Variants in NCOR1 observed in about 807,000 individuals in gnomAD.
The protein encoded by NCOR1 is nuclear receptor corepressor 1.
NCOR1 carries 63 observed loss-of-function variants against 288.1 expected under a neutral mutation model. That is an observed-to-expected ratio of 0.22 (90% confidence interval 0.18 to 0.27). NCOR1 has a LOEUF of 0.27. Ranked by LOEUF, NCOR1 falls within the 10% of genes least tolerant of loss-of-function variation. The probability of loss-of-function intolerance (pLI) is 1.00; values close to 1 mark genes in which losing one functional copy is unlikely to be tolerated. For synonymous variants in NCOR1, 1,007 were observed against 1,065.9 expected (o/e 0.94, Z 1.08); for missense variants, 2,397 against 3,019.2 (o/e 0.79, Z 4.83).
chr17:16,033,943 G>A (rs1009272238), intron 45 of NCOR1, among the ~76,000 whole-genome samples: 10 of 151,954 alleles, frequency 6.6e-5, no homozygotes, highest in African/African-American at 1.7e-4. Context: ...TGATCTGCCC[G>A]CCTCAGCCTC....
intron 14 of NCOR1, among the ~76,000 whole-genome samples, 173 bp downstream of exon 14, chr17:16,137,138 T>G (rs1023871320): frequency 6.6e-6 from 1 of 152,166 alleles, no homozygotes; most frequent in South Asian, 2.1e-4. Flanking sequence ...ATACAAGATT[T>G]AATACATTAA....
chr17:16,049,150 AAAAC>A (rs773239978), intron 40 of NCOR1, 162 bp from the exon 41 acceptor site: 20 of 542,716 alleles, frequency 3.7e-5, no homozygotes, highest in African/African-American at 7.8e-5. Flanking sequence ...ATACATAGTT[AAAAC>A]AAACAAACAA....
chr17:16,158,721 G>A (rs766874388), intron 6 of NCOR1, 39 bp downstream of exon 6: 11 of 1,307,552 alleles, frequency 8.4e-6, no homozygotes, highest in African/African-American at 1.5e-5. Context: ...CGTCAAGTGG[G>A]GTTAAAGGCC....
At chr17:16,101,062 T>C (rs961507553) in intron 20 of NCOR1, among the ~76,000 whole-genome samples, 188 bp downstream of exon 20, 2 of 152,262 alleles carry the variant, frequency 1.3e-5, no homozygotes, top group Non-Finnish European at 2.9e-5. Context: ...ATCTGTTTCA[T>C]TAAAATGATC....
At position 16,092,680 on chromosome 17, in the gene NCOR1, TATATATATATATA is replaced by T. The variant is rs1167107539; in HGVS notation, c.2821-635_2821-623del. On this transcript the variant is annotated intron_variant, in intron 21 of 45. Coordinates refer to ENST00000268712, the MANE Select transcript of NCOR1 (RefSeq NM_006311.4). ...ATATATATATATATATATATATATA[TATATATATATATA>T]TATTTTTTTTTTTTTTTTTTTTTAA... Among the ~76,000 whole-genome samples, 189 of 22,548 alleles carry T rather than the reference TATATATATATATA, an allele frequency of 8.4e-3. 10 individuals carry two copies. Among genetic ancestry groups the T allele is most frequent in the Middle Eastern group, 0.018 (1 of 56 alleles). 14.8% of individuals were successfully genotyped at this position (22,548 alleles called of 152,430 possible).
At chr17:16,154,925 T>C (rs990464171) in intron 6 of NCOR1, among the ~76,000 whole-genome samples, 4 of 152,160 alleles carry the variant, frequency 2.6e-5, no homozygotes, top group Admixed American at 2.0e-4. Context: ...ATACATGAAG[T>C]GGCAAAGAGA....
In NCOR1 at chr17:16,034,938, ACTC is replaced by A; in HGVS notation, c.6959_6961del (p.Gly2320del). 6.2e-7 allele frequency: 1 copy of A among 1,612,998 alleles called. No homozygotes were observed. Among genetic ancestry groups the A allele is most frequent in the Non-Finnish European group, 8.5e-7 (1 of 1,179,672 alleles). ...CTTGCTGATCAGCTTTGGTTTGCAA[ACTC>A]CTCCTGAAAGTGAAATTCAAGTTAA... On this transcript the variant is annotated inframe_deletion, in exon 45 of 46. Transcript: ENST00000268712.
rs115480557 is a variant in NCOR1, at chr17:16,211,059, T to G, written c.-71+4303A>C. ...TTTTAAGTGTCAATCATCAAATCGA[T>G]TCATCCCATGGATGATACAGTGTAA... On this transcript the variant is annotated intron_variant, in intron 1 of 45. Coordinates refer to ENST00000268712, the MANE Select transcript of NCOR1 (RefSeq NM_006311.4). Among the ~76,000 whole-genome samples the G allele has an allele frequency of 4.0e-3, 604 of 152,142 alleles. 7 individuals carry two copies. Among genetic ancestry groups the G allele is most frequent in the African/African-American group, 0.014 (563 of 41,512 alleles).
chr17:16,112,058 A>G (rs113479195), intron 18 of NCOR1, among the ~76,000 whole-genome samples: 4,710 of 151,980 alleles, frequency 0.031, 241 homozygotes, highest in African/African-American at 0.11. Flanking sequence ...TTTAGTAGAG[A>G]AGGGGTTTCA....
At chr17:16,127,129 GTA>G (rs2074224128) in intron 14 of NCOR1, among the ~76,000 whole-genome samples, 1 of 131,532 alleles carries the variant, frequency 7.6e-6, no homozygotes, top group Admixed American at 7.8e-5. Flanking sequence ...ATATCTGTAT[GTA>G]TATATACATG....
chr17:16,051,525 T>C (rs964932797), intron 40 of NCOR1, among the ~76,000 whole-genome samples: 3 of 152,174 alleles, frequency 2.0e-5, no homozygotes, highest in Non-Finnish European at 1.5e-5. Context: ...TAGCACTAAA[T>C]ATCCACATCA....
chr17:16,110,713 G>A (rs1270540861), intron 18 of NCOR1, among the ~76,000 whole-genome samples: 1 of 152,132 alleles, frequency 6.6e-6, no homozygotes, highest in South Asian at 2.1e-4. Context: ...ATATACTACT[G>A]CCCTGTTAAA....
At position 16,158,043 on chromosome 17, in the gene NCOR1, G is replaced by A. The variant is rs181237162; in HGVS notation, c.732+717C>T. On this transcript the variant is annotated intron_variant, in intron 6 of 45. Transcript: ENST00000268712. ...GACTGGACTGAAGTGGCTCAATCTC[G>A]GCTCACTACAACCTCTACCTCCCAG... Among the ~76,000 whole-genome samples, 52 of 151,100 alleles carry A rather than the reference G, an allele frequency of 3.4e-4. 1 individual carries two copies. Among genetic ancestry groups the A allele is most frequent in the Middle Eastern group, 3.4e-3 (1 of 294 alleles).
rs138560648 is a variant in NCOR1 at position 16,149,054 on chromosome 17, C to T, written c.909+397G>A. 2.7e-3 allele frequency among the ~76,000 whole-genome samples: 405 copies of T among 152,022 alleles called. 2 individuals are homozygous for T. Among genetic ancestry groups the T allele is most frequent in the African/African-American group, 9.1e-3 (378 of 41,492 alleles). The stretch of plus-strand genomic sequence containing the variant: ...ACCATTTGAATTTGAAAAAGCTGAA[C>T]CCTAGCTGACCCCGTTTCTAATAAA... On this transcript the variant is annotated intron_variant, in intron 9 of 45. Coordinates refer to ENST00000268712, the MANE Select transcript of NCOR1 (RefSeq NM_006311.4).
chr17:16,171,218 A>T (rs1409926266), intron 4 of NCOR1, among the ~76,000 whole-genome samples: 1 of 152,184 alleles, frequency 6.6e-6, no homozygotes, highest in Non-Finnish European at 1.5e-5. Context: ...CCATAAATAT[A>T]CACAATTTTT....
At chr17:16,096,249 G>A (rs2066597330) in intron 21 of NCOR1, among the ~76,000 whole-genome samples, 1 of 151,892 alleles carries the variant, frequency 6.6e-6, no homozygotes, top group African/African-American at 2.4e-5. Flanking sequence ...CTCCGCTGTT[G>A]TCCTATGACC....
chr17:16,116,663 C>T (rs181566027), intron 18 of NCOR1, among the ~76,000 whole-genome samples: 5 of 152,234 alleles, frequency 3.3e-5, no homozygotes, highest in East Asian at 3.9e-4. Context: ...ACTTAGAACT[C>T]GAACAATTGC....
chr17:16,134,264 T>C (rs1044442246), intron 14 of NCOR1, among the ~76,000 whole-genome samples: 1 of 152,210 alleles, frequency 6.6e-6, no homozygotes, highest in African/African-American at 2.4e-5. Context: ...TCTGGTGGCA[T>C]GAGATGATGG....
chr17:16,200,491 A>G (rs1322571423), intron 1 of NCOR1, among the ~76,000 whole-genome samples: 2 of 92,560 alleles, frequency 2.2e-5, no homozygotes, highest in Non-Finnish European at 3.9e-5. Context: ...GCGAGACTCC[A>G]TCTCAAAAAA....
Sources: gnomAD v4.1 joint callset for allele counts (sites outside exome capture counted in the v4.1 genomes callset) on GRCh38, gnomAD v4.1.1 for gene constraint, MANE v1.5 for transcripts, NCBI Gene and HGNC (gene_info 2026-07-23, HGNC 2026-07-21) for gene names.